ASCC1: variants seen among roughly 807,000 people sequenced by gnomAD.
ASCC1 encodes activating signal cointegrator 1 complex subunit 1, also known as ASC-1 complex subunit P50.
A neutral mutation model predicts 46.6 loss-of-function variants in ASCC1; 35 were observed. The observed-to-expected ratio is 0.75, with a 90% CI of 0.57 to 0.99. ASCC1 has a LOEUF of 0.99. Ranked by LOEUF, ASCC1 falls within the 50% of genes least tolerant of loss-of-function variation. ASCC1 has a pLI of 0.00. For missense variants in ASCC1, 376 were observed against 428.7 expected, an observed-to-expected ratio of 0.88 and a Z score of 1.09; for synonymous variants, 143 against 146.6, an observed-to-expected ratio of 0.98 and a Z score of 0.18.
At chr10:72,102,643 G>A (rs1216945822) in intron 9 of ASCC1, among the ~76,000 whole-genome samples, 4 of 152,034 alleles carry the variant, frequency 2.6e-5, no homozygotes, top group Non-Finnish European at 5.9e-5. Context: ...CATAACAGGA[G>A]ATTTTAAAAA....
intron 5 of ASCC1, among the ~76,000 whole-genome samples, chr10:72,176,058 C>T (rs1851819903): frequency 6.6e-6 from 1 of 152,196 alleles, no homozygotes; most frequent in African/African-American, 2.4e-5. Flanking sequence ...GCTCCAAACA[C>T]CTTAAACTTA....
intron 7 of ASCC1, among the ~76,000 whole-genome samples, chr10:72,141,484 C>A (rs979581363): frequency 2.0e-5 from 3 of 152,152 alleles, no homozygotes; most frequent in African/African-American, 7.2e-5. Flanking sequence ...CCCCATATTT[C>A]TGATTAATTC....
chr10:72,122,010 G>A (rs561494331), intron 9 of ASCC1, among the ~76,000 whole-genome samples: 5 of 152,276 alleles, frequency 3.3e-5, no homozygotes, highest in Admixed American at 6.5e-5. Context: ...CATAAAATAC[G>A]CTGTAATAAA....
intron 1 of ASCC1, 136 bp downstream of exon 1, chr10:72,216,071 T>G (rs1216037384): frequency 6.6e-6 from 1 of 152,298 alleles, no homozygotes; most frequent in Admixed American, 6.5e-5. Flanking sequence ...GTCCTCGTCG[T>G]GGTGAGCGCA....
intron 7 of ASCC1, among the ~76,000 whole-genome samples, chr10:72,134,746 C>T (rs7924215): frequency 2.2e-4 from 33 of 151,788 alleles, no homozygotes; most frequent in African/African-American, 7.5e-4. Flanking sequence ...ACCTGGGAAC[C>T]AGCAAAGACA....
intron 6 of ASCC1, among the ~76,000 whole-genome samples, chr10:72,153,868 C>A (rs1396494856): frequency 6.6e-6 from 1 of 151,990 alleles, no homozygotes; most frequent in Non-Finnish European, 1.5e-5. Flanking sequence ...ACTACAGGCA[C>A]CTGCCACCAC....
intron 5 of ASCC1, among the ~76,000 whole-genome samples, chr10:72,175,104 G>T (rs753898251): frequency 1.3e-4 from 20 of 152,158 alleles, no homozygotes; most frequent in Non-Finnish European, 5.9e-5. Context: ...ATTCAAATAA[G>T]GCAAAGTGAT....
intron 9 of ASCC1, among the ~76,000 whole-genome samples, chr10:72,103,129 G>GT (rs975348432): frequency 1.3e-4 from 20 of 150,288 alleles, no homozygotes; most frequent in Non-Finnish European, 2.4e-4. Flanking sequence ...TAGATACTAT[G>GT]TTTTTTTTTC....
chr10:72,154,496 T>G (rs998654002), intron 6 of ASCC1, among the ~76,000 whole-genome samples: 1 of 149,562 alleles, frequency 6.7e-6, no homozygotes, highest in Non-Finnish European at 1.5e-5. Context: ...GCATAGGGTT[T>G]TTTTTTTTTT....
At chr10:72,151,160 G>C (rs573860834) in intron 7 of ASCC1, among the ~76,000 whole-genome samples, 21 of 152,252 alleles carry the variant, frequency 1.4e-4, no homozygotes, top group African/African-American at 5.1e-4. Context: ...TGTTTATTGT[G>C]GCACTATTCA....
chr10:72,100,226 T>C (rs1475238447), intron 9 of ASCC1, among the ~76,000 whole-genome samples: 1 of 151,132 alleles, frequency 6.6e-6, no homozygotes, highest in Non-Finnish European at 1.5e-5. Flanking sequence ...GTTATTGTTA[T>C]ATCTTTTTTT....
intron 9 of ASCC1, among the ~76,000 whole-genome samples, chr10:72,103,869 AACTT>A (rs1202351826): frequency 9.9e-5 from 15 of 152,284 alleles, no homozygotes; most frequent in Admixed American, 9.8e-4. Context: ...ATGACAGTCA[AACTT>A]ACTTATAAAA....
intron 7 of ASCC1, among the ~76,000 whole-genome samples, chr10:72,144,199 A>G (rs572946869): frequency 6.7e-6 from 1 of 150,282 alleles, no homozygotes; most frequent in African/African-American, 2.4e-5. Flanking sequence ...CTGGTCTTGA[A>G]CTCCTGACCT....
chr10:72,187,503 G>A (rs1002892880), intron 5 of ASCC1, among the ~76,000 whole-genome samples: 5 of 151,436 alleles, frequency 3.3e-5, no homozygotes, highest in African/African-American at 1.2e-4. Flanking sequence ...GGCGGATCAC[G>A]AGGTCAGGAG....
intron 7 of ASCC1, among the ~76,000 whole-genome samples, chr10:72,137,182 C>T (rs1186300952): frequency 6.6e-6 from 1 of 151,698 alleles, no homozygotes; most frequent in Admixed American, 6.6e-5. Flanking sequence ...TCCCAAAGTG[C>T]TGGGACGACA....
chr10:72,213,903 T>C (rs957323591), intron 1 of ASCC1, among the ~76,000 whole-genome samples: 6 of 152,052 alleles, frequency 3.9e-5, no homozygotes, highest in South Asian at 2.1e-4. Context: ...CTAGGCATGG[T>C]GGCACGTGCC....
intron 5 of ASCC1, among the ~76,000 whole-genome samples, chr10:72,194,001 A>T (rs1854968939): frequency 7.0e-6 from 1 of 143,052 alleles, no homozygotes; most frequent in Admixed American, 7.0e-5. Context: ...CACCCGGCTA[A>T]TTTTTTTTTT....
At chr10:72,103,653 G>A (rs967316294) in intron 9 of ASCC1, among the ~76,000 whole-genome samples, 1 of 152,086 alleles carries the variant, frequency 6.6e-6, no homozygotes. Context: ...TATGAAGGCC[G>A]TCCTGTGACC....
intron 9 of ASCC1, among the ~76,000 whole-genome samples, chr10:72,109,531 A>G (rs1285853861): frequency 6.6e-6 from 1 of 152,220 alleles, no homozygotes; most frequent in Non-Finnish European, 1.5e-5. Context: ...GCAGACAAAC[A>G]GAGCCAGGGA....
Sources: allele counts gnomAD v4.1 joint callset (sites outside exome capture counted in the v4.1 genomes callset), GRCh38; gene constraint gnomAD v4.1.1; transcripts MANE v1.5; gene names NCBI Gene and HGNC (gene_info 2026-07-23, HGNC 2026-07-21).